CDC42SE2: variants seen among roughly 807,000 people sequenced by gnomAD.
CDC42SE2 encodes the protein CDC42 small effector 2, also known as CDC42 small effector protein 2.
In CDC42SE2, 3 loss-of-function variants were observed where a neutral mutation model predicts 11.5. That is an observed-to-expected ratio of 0.26 (90% CI 0.12 to 0.67). The LOEUF (loss-of-function observed/expected upper bound fraction) is 0.67. CDC42SE2 is among the 30% of genes least tolerant of loss of function. The pLI, the probability that CDC42SE2 is intolerant of heterozygous loss-of-function variation, is 0.80. For missense variants in CDC42SE2, 82 were observed against 106.8 expected, an observed-to-expected ratio of 0.77 and a Z score of 1.02; for synonymous variants, 33 against 34.8, an observed-to-expected ratio of 0.95 and a Z score of 0.18.
intron 2 of CDC42SE2, among the ~76,000 whole-genome samples, chr5:131,337,756 G>C (rs1019590960): frequency 6.6e-6 from 1 of 152,240 alleles, no homozygotes; most frequent in East Asian, 1.9e-4. Flanking sequence ...GTGAGGGTAG[G>C]ACCCTCTGAG....
chr5:131,309,721 A>T (rs1298239322), intron 1 of CDC42SE2, among the ~76,000 whole-genome samples: 1 of 151,678 alleles, frequency 6.6e-6, no homozygotes, highest in African/African-American at 2.4e-5. Flanking sequence ...TAGATTTTCT[A>T]GTTTATTTGC....
intron 1 of CDC42SE2, among the ~76,000 whole-genome samples, chr5:131,275,759 A>AT (rs1323325895): frequency 4.3e-4 from 65 of 150,086 alleles, no homozygotes; most frequent in South Asian, 1.7e-3. Flanking sequence ...TATCCTGTGC[A>AT]TTTTTTTTTG....
the CDC42SE2 span, among the ~76,000 whole-genome samples, chr5:131,220,427 G>T: frequency 1.3e-5 from 2 of 152,034 alleles, no homozygotes; most frequent in Non-Finnish European, 2.9e-5. Context: ...GGATGGTCTC[G>T]ATCTCCTGAC....
chr5:131,343,967 A>G (rs766209319), intron 2 of CDC42SE2, among the ~76,000 whole-genome samples: 2 of 152,182 alleles, frequency 1.3e-5, no homozygotes, highest in African/African-American at 2.4e-5. Context: ...CCCCTACCAT[A>G]ATAATGGATA....
intron 2 of CDC42SE2, among the ~76,000 whole-genome samples, chr5:131,325,505 G>T (rs1758277609): frequency 1.4e-5 from 2 of 146,950 alleles, no homozygotes; most frequent in African/African-American, 5.0e-5. Context: ...TTTTGAAGTA[G>T]TAGTCCTAAG....
At chr5:131,305,082 G>A (rs987671822) in intron 1 of CDC42SE2, among the ~76,000 whole-genome samples, 25 of 150,394 alleles carry the variant, frequency 1.7e-4, no homozygotes, top group African/African-American at 5.8e-4. Flanking sequence ...CTAGAGATTA[G>A]TTTCTATTTT....
Position 131,342,388 on chromosome 5 carries a change from CTTTTT to C in CDC42SE2, c.-285-16806_-285-16802del, listed in dbSNP as rs35818778. Among the ~76,000 whole-genome samples the C allele has an allele frequency of 5.4e-5, 6 of 111,332 alleles. 1 individual carries two copies. The highest frequency in any genetic ancestry group is 1.3e-4 in the African/African-American group (3 of 22,548). 73.0% of individuals were successfully genotyped at this position (111,332 alleles called of 152,430 possible). On this transcript the variant is annotated intron_variant, in intron 2 of 4. Coordinates refer to ENST00000505065, the MANE Select transcript of CDC42SE2 (RefSeq NM_001375635.1). ...TCAGAGATTTGCCATTTTTAATAGT[CTTTTT>C]TTTTTTTTTTTTTTAAGATAGGGTC...
chr5:131,216,402 G>A, the CDC42SE2 span, among the ~76,000 whole-genome samples: 8 of 150,934 alleles, frequency 5.3e-5, no homozygotes, highest in African/African-American at 1.7e-4. Flanking sequence ...CTTGGGAGGC[G>A]GAGATGGAAG....
At chr5:131,236,233 A>G in the CDC42SE2 span, among the ~76,000 whole-genome samples, 1 of 152,116 alleles carries the variant, frequency 6.6e-6, no homozygotes, top group South Asian at 2.1e-4. Context: ...AAGTTTAGCA[A>G]TAGCTTCTTT....
chr5:131,386,793 A>G (rs539663124), intron 4 of CDC42SE2, among the ~76,000 whole-genome samples: 1 of 152,364 alleles, frequency 6.6e-6, no homozygotes, highest in Non-Finnish European at 1.5e-5. Flanking sequence ...AAAGTGTTCA[A>G]AACCAGAAAG....
intron 3 of CDC42SE2, among the ~76,000 whole-genome samples, chr5:131,370,805 G>T (rs1749995297): frequency 6.6e-6 from 1 of 152,122 alleles, no homozygotes; most frequent in South Asian, 2.1e-4. Flanking sequence ...CCAATAGCAT[G>T]AATTTTTTTT....
At chr5:131,330,424 C>T (rs2149741065) in intron 2 of CDC42SE2, among the ~76,000 whole-genome samples, 1 of 152,150 alleles carries the variant, frequency 6.6e-6, no homozygotes, top group Admixed American at 6.5e-5. Flanking sequence ...AGGAGAATGT[C>T]ATTAGTTCTT....
chr5:131,279,580 C>T (rs191294082), intron 1 of CDC42SE2, among the ~76,000 whole-genome samples: 9 of 151,862 alleles, frequency 5.9e-5, no homozygotes, highest in African/African-American at 1.9e-4. Context: ...CTTTCTTCTA[C>T]TCTGTGATTT....
chr5:131,364,452 A>C (rs1232647659), intron 3 of CDC42SE2, among the ~76,000 whole-genome samples: 1 of 152,186 alleles, frequency 6.6e-6, no homozygotes, highest in Non-Finnish European at 1.5e-5. Flanking sequence ...GAGGTCTAAG[A>C]GGTAACCAAG....
chr5:131,351,241 A>T (rs1759002379), intron 2 of CDC42SE2, among the ~76,000 whole-genome samples: 1 of 150,878 alleles, frequency 6.6e-6, no homozygotes, highest in South Asian at 2.1e-4. Flanking sequence ...TGAACCACCA[A>T]GCTCAGCCCT....
chr5:131,227,214 T>C, the CDC42SE2 span, among the ~76,000 whole-genome samples: 6 of 151,772 alleles, frequency 4.0e-5, no homozygotes, highest in Admixed American at 2.0e-4. Context: ...CAGTGAGCTA[T>C]GATTATGCCA....
chr5:131,261,858 C>T (rs377767265), upstream of CDC42SE2, among the ~76,000 whole-genome samples: 108 of 60,444 alleles, frequency 1.8e-3, 2 homozygotes, highest in East Asian at 0.046. Context: ...GACCCTGTCT[C>T]AAAAAAAAAA....
chr5:131,366,202 T>G (rs1254028212), intron 3 of CDC42SE2, among the ~76,000 whole-genome samples: 1 of 152,216 alleles, frequency 6.6e-6, no homozygotes, highest in Admixed American at 6.5e-5. Flanking sequence ...TCACTGTATA[T>G]TGTACCTCTT....
intron 4 of CDC42SE2, among the ~76,000 whole-genome samples, chr5:131,390,412 C>T (rs1016948810): frequency 2.6e-5 from 4 of 151,928 alleles, no homozygotes; most frequent in Non-Finnish European, 5.9e-5. Context: ...CGGCCGGGTG[C>T]GGTGGCTCAT....
Sources: allele counts gnomAD v4.1 joint callset (sites outside exome capture counted in the v4.1 genomes callset), GRCh38; gene constraint gnomAD v4.1.1; transcripts MANE v1.5; gene names NCBI Gene and HGNC (gene_info 2026-07-23, HGNC 2026-07-21).